Variants in PTPRQ observed in about 807,000 individuals in gnomAD.
PTPRQ encodes the protein phosphatidylinositol phosphatase PTPRQ.
Under a neutral mutation model 246.0 loss-of-function variants are expected in PTPRQ, and 199 were observed. That is an observed-to-expected ratio of 0.81 (90% CI 0.72 to 0.91). The LOEUF (loss-of-function observed/expected upper bound fraction) is 0.91. PTPRQ is among the 40% of genes least tolerant of loss of function. PTPRQ has a pLI of 0.00. For synonymous variants in PTPRQ, 869 were observed against 853.2 expected (o/e 1.02, Z -0.32); for missense variants, 2,624 against 2,528.4 (o/e 1.04, Z -0.81).
At chr12:80,612,585 G>A (rs1339429924) in intron 28 of PTPRQ, among the ~76,000 whole-genome samples, 5 of 150,384 alleles carry the variant, frequency 3.3e-5, no homozygotes, top group Non-Finnish European at 7.5e-5. Context: ...TTGCTAGTAG[G>A]AATGTAAAAT....
intron 10 of PTPRQ, 101 bp from the exon 11 acceptor site, chr12:80,494,832 C>A: frequency 2.4e-6 from 3 of 1,231,216 alleles, no homozygotes; most frequent in Non-Finnish European, 3.3e-6. Context: ...TTAATGAATA[C>A]GGAGAAATCA....
chr12:80,661,078 A>G lies in PTPRQ; in HGVS notation c.6192+3017A>G, dbSNP rs528598664. Among the ~76,000 whole-genome samples the G allele has an allele frequency of 6.6e-5, 10 of 151,932 alleles. No individual in the cohort carries two copies. In the Middle Eastern group the frequency reaches 0.01, roughly 155 times the overall value. On this transcript the variant is annotated intron_variant, in intron 39 of 44. Transcript: ENST00000644991. ...CTTCAATATGAATTGAGGACCCCTA[A>G]AACACATACATATGAAAACACAAAC...
Position 80,557,976 on chromosome 12 carries a change from C to CT in PTPRQ, c.4285+8248dup, listed in dbSNP as rs1186299846. 2.0e-4 allele frequency among the ~76,000 whole-genome samples: 31 copies of CT among 151,814 alleles called. No individual in the cohort carries two copies. The East Asian group carries it at 6.0e-3, about 29-fold the overall frequency. On this transcript the variant is annotated intron_variant, in intron 25 of 44. Transcript: ENST00000644991. ...TAAGTGGAATTATAAAGTATGTAACCTTTTTTACCCAGAAAAAGACATTCA... is the reference window on the plus strand; with the variant it reads ...TAAGTGGAATTATAAAGTATGTAACCTTTTTTTACCCAGAAAAAGACATTCA...
intron 14 of PTPRQ, among the ~76,000 whole-genome samples, chr12:80,499,949 C>T (rs867978659): frequency 1.2e-4 from 18 of 151,828 alleles, no homozygotes; most frequent in African/African-American, 3.6e-4. Context: ...ATTCCCTTTC[C>T]TTTTTAAGAC....
Position 80,573,153 on chromosome 12 carries a change from T to A in PTPRQ, c.4286-14976T>A, listed in dbSNP as rs1358870110. On this transcript the variant is annotated intron_variant, in intron 25 of 44. Transcript: ENST00000644991. Reference sequence around the variant, plus strand: ...GTGGCAGATTTTGTATTACTTTGACTTCTTTAATAAATATAGAACTACTCA... The same window carrying A: ...GTGGCAGATTTTGTATTACTTTGACATCTTTAATAAATATAGAACTACTCA... Among the ~76,000 whole-genome samples, 5 of 152,318 alleles carry A rather than the reference T, an allele frequency of 3.3e-5. No homozygotes were observed. The East Asian group carries it at 9.7e-4, about 29-fold the overall frequency.
intron 38 of PTPRQ, among the ~76,000 whole-genome samples, chr12:80,654,691 T>TC (rs1900371683): frequency 1.1e-5 from 1 of 95,148 alleles, no homozygotes; most frequent in Admixed American, 1.1e-4. Flanking sequence ...GTACTAAAAA[T>TC]CCAAAAAAAA....
intron 8 of PTPRQ, 86 bp from the exon 9 acceptor site, chr12:80,484,347 G>T: frequency 7.1e-7 from 1 of 1,407,936 alleles, no homozygotes; most frequent in Non-Finnish European, 9.5e-7. Flanking sequence ...ATCTTAAATT[G>T]TGAACTAAGA....
chr12:80,525,796 A>G (rs758874059), intron 17 of PTPRQ: 2 of 152,076 alleles, frequency 1.3e-5, no homozygotes, highest in Admixed American at 6.6e-5. Flanking sequence ...TGTGGATACT[A>G]TAAAAAACAA....
chr12:80,668,403 A>C (rs1359003249), intron 39 of PTPRQ, among the ~76,000 whole-genome samples: 1 of 151,888 alleles, frequency 6.6e-6, no homozygotes, highest in Non-Finnish European at 1.5e-5. Context: ...TTGGGTCAGA[A>C]CTCCAGACAG....
At chr12:80,446,754 T>C (rs1397270720) in intron 3 of PTPRQ, among the ~76,000 whole-genome samples, 2 of 152,060 alleles carry the variant, frequency 1.3e-5, no homozygotes, top group African/African-American at 4.8e-5. Context: ...GCAAAGAACA[T>C]GATTTTATTT....
chr12:80,488,028 G>T (rs779676681), intron 9 of PTPRQ, among the ~76,000 whole-genome samples: 1 of 151,684 alleles, frequency 6.6e-6, no homozygotes, highest in Non-Finnish European at 1.5e-5. Context: ...TTTCCTTTTG[G>T]CTTTAGAACT....
chr12:80,456,996 T>G (rs1332976802), intron 3 of PTPRQ, among the ~76,000 whole-genome samples: 1 of 152,136 alleles, frequency 6.6e-6, no homozygotes, highest in African/African-American at 2.4e-5. Context: ...TTGCAAAAGC[T>G]TGAGTCTTAT....
intron 8 of PTPRQ, among the ~76,000 whole-genome samples, 197 bp from the exon 9 acceptor site, chr12:80,484,236 A>G (rs1371714526): frequency 6.6e-6 from 1 of 151,926 alleles, no homozygotes; most frequent in Non-Finnish European, 1.5e-5. Context: ...CGAACTCCTT[A>G]CCTCAGGTGA....
chr12:80,662,457 G>A (rs1215081469), intron 39 of PTPRQ, among the ~76,000 whole-genome samples: 1 of 151,916 alleles, frequency 6.6e-6, no homozygotes, highest in Non-Finnish European at 1.5e-5. Context: ...ATGGACCTGA[G>A]TTCAAATTCC....
chr12:80,643,320 C>T (rs1033522114), intron 35 of PTPRQ, among the ~76,000 whole-genome samples: 1 of 151,892 alleles, frequency 6.6e-6, no homozygotes, highest in Non-Finnish European at 1.5e-5. Context: ...CACCTGTAAT[C>T]CCAGCTACTC....
At chr12:80,606,706 A>G (rs1489913524) in intron 27 of PTPRQ, among the ~76,000 whole-genome samples, 1 of 150,950 alleles carries the variant, frequency 6.6e-6, no homozygotes, top group Non-Finnish European at 1.5e-5. Flanking sequence ...TCTATCTCAA[A>G]AGACCTGTCA....
At chr12:80,600,702 T>G (rs1433059414) in intron 26 of PTPRQ, among the ~76,000 whole-genome samples, 1 of 151,806 alleles carries the variant, frequency 6.6e-6, no homozygotes, top group African/African-American at 2.4e-5. Context: ...TTGGAGATGA[T>G]CTTTCCTTTT....
intron 31 of PTPRQ, 121 bp from the exon 32 acceptor site, chr12:80,620,033 T>A: frequency 7.9e-7 from 1 of 1,259,822 alleles, no homozygotes; most frequent in South Asian, 1.7e-5. Flanking sequence ...ACTTGAATTA[T>A]CTCTGGTGAC....
chr12:80,466,256 G>C (rs201581029), intron 6 of PTPRQ, among the ~76,000 whole-genome samples: 1 of 152,064 alleles, frequency 6.6e-6, no homozygotes, highest in Non-Finnish European at 1.5e-5. Flanking sequence ...CCCATTCACA[G>C]TTGCTTCAAA....
Sources: gnomAD v4.1 joint callset for allele counts (sites outside exome capture counted in the v4.1 genomes callset) on GRCh38, gnomAD v4.1.1 for gene constraint, MANE v1.5 for transcripts, NCBI Gene and HGNC (gene_info 2026-07-23, HGNC 2026-07-21) for gene names.